Variants in CTNNA1 observed in about 807,000 individuals in gnomAD.
CTNNA1 encodes catenin alpha 1.
Under a neutral mutation model 98.4 loss-of-function variants are expected in CTNNA1, and 37 were observed. The observed-to-expected ratio is 0.38, with a 90% CI of 0.29 to 0.49. The LOEUF (loss-of-function observed/expected upper bound fraction) is 0.49, where lower values mean the gene tolerates loss of function less well. CTNNA1 is among the 20% of genes least tolerant of loss of function. The pLI, the probability that CTNNA1 is intolerant of heterozygous loss-of-function variation, is 0.95. For missense variants in CTNNA1, 761 were observed against 1,147.2 expected, an observed-to-expected ratio of 0.66 and a Z score of 4.86; for synonymous variants, 404 against 413.2, an observed-to-expected ratio of 0.98 and a Z score of 0.27.
chr5:138,792,752 G>C (rs566223276), intron 3 of CTNNA1, among the ~76,000 whole-genome samples: 37 of 152,136 alleles, frequency 2.4e-4, no homozygotes, highest in South Asian at 1.7e-3. Flanking sequence ...TGTTGAGTAT[G>C]GATTTCAAAA....
At chr5:138,926,006 C>T (rs1763943790) in intron 13 of CTNNA1, among the ~76,000 whole-genome samples, 2 of 152,200 alleles carry the variant, frequency 1.3e-5, no homozygotes, top group South Asian at 4.1e-4. Context: ...ACAACTATTC[C>T]TGTCTTCATT....
At chr5:138,795,938 GT>G (rs1295142845) in intron 3 of CTNNA1, among the ~76,000 whole-genome samples, 3 of 152,158 alleles carry the variant, frequency 2.0e-5, no homozygotes, top group Non-Finnish European at 4.4e-5. Flanking sequence ...ATGCTTTCCA[GT>G]TTGTCTTCTG....
intron 7 of CTNNA1, among the ~76,000 whole-genome samples, chr5:138,838,820 C>T (rs755794578): frequency 2.0e-5 from 3 of 152,006 alleles, no homozygotes; most frequent in Admixed American, 6.6e-5. Flanking sequence ...TTTAAGAGAT[C>T]GGGTCTCATC....
chr5:138,812,419 TA>T (rs1250801922), intron 5 of CTNNA1, 117 bp downstream of exon 5: 9 of 1,089,832 alleles, frequency 8.3e-6, no homozygotes, highest in Non-Finnish European at 1.0e-5. Flanking sequence ...ATAGTTCCAT[TA>T]AAACATTTAA....
intron 4 of CTNNA1, among the ~76,000 whole-genome samples, chr5:138,811,201 G>C (rs1758717957): frequency 2.0e-5 from 3 of 149,438 alleles, no homozygotes; most frequent in Non-Finnish European, 1.5e-5. Context: ...CTTCTCAGAC[G>C]GGGCGGCCGG....
intron 3 of CTNNA1, among the ~76,000 whole-genome samples, chr5:138,789,197 C>T (rs1172371490): frequency 6.6e-6 from 1 of 151,646 alleles, no homozygotes; most frequent in African/African-American, 2.4e-5. Flanking sequence ...TTCCCCCCCC[C>T]CAGAGCTTAT....
intron 7 of CTNNA1, among the ~76,000 whole-genome samples, chr5:138,828,609 C>T (rs987518571): frequency 6.6e-6 from 1 of 152,120 alleles, no homozygotes; most frequent in African/African-American, 2.4e-5. Flanking sequence ...AATTAGTTGT[C>T]ATCACTAGCG....
chr5:138,932,568 C>G lies in CTNNA1; in HGVS notation c.2299-10C>G, dbSNP rs777194764. Reference sequence around the variant, plus strand: ...CAGGATACTTGGTGTTAAGCCTGCTCTCTCTTCAGTGCCCCGACTCGGCTT... The same window carrying G: ...CAGGATACTTGGTGTTAAGCCTGCTGTCTCTTCAGTGCCCCGACTCGGCTT... On this transcript the variant is annotated splice_polypyrimidine_tract_variant and intron_variant, in intron 16 of 17. Transcript: ENST00000302763. 3.7e-6 allele frequency: 6 copies of G among 1,613,920 alleles called. No homozygotes were observed. Among genetic ancestry groups the G allele is most frequent in the East Asian group, 4.5e-5 (2 of 44,880 alleles).
chr5:138,815,233 AAGT>A (rs1481615090), intron 5 of CTNNA1, among the ~76,000 whole-genome samples: 6 of 152,026 alleles, frequency 3.9e-5, no homozygotes, highest in Non-Finnish European at 7.4e-5. Flanking sequence ...TTTTTTTTGA[AAGT>A]AGTAGCAAAT....
chr5:138,778,657 G>T (rs1049636897), intron 1 of CTNNA1, among the ~76,000 whole-genome samples: 2 of 152,110 alleles, frequency 1.3e-5, no homozygotes, highest in African/African-American at 4.8e-5. Context: ...CTTGCCTGAG[G>T]CAATTAATAT....
intron 7 of CTNNA1, among the ~76,000 whole-genome samples, chr5:138,838,390 A>C (rs1761986615): frequency 6.6e-6 from 1 of 152,130 alleles, no homozygotes; most frequent in Non-Finnish European, 1.5e-5. Context: ...CTATCCTTCT[A>C]CTGTTTAGCA....
chr5:138,917,319 A>AT, intron 10 of CTNNA1, among the ~76,000 whole-genome samples: 1 of 152,372 alleles, frequency 6.6e-6, no homozygotes, highest in African/African-American at 2.4e-5. Context: ...TGTCCATAAC[A>AT]TAGAATATAT....
At chr5:138,824,459 C>A in intron 5 of CTNNA1, 71 bp from the exon 6 acceptor site, 1 of 1,519,822 alleles carries the variant, frequency 6.6e-7, no homozygotes, top group Non-Finnish European at 8.9e-7. Flanking sequence ...TCAGCATTTA[C>A]CAGCAAATTT....
intron 7 of CTNNA1, among the ~76,000 whole-genome samples, chr5:138,868,478 C>T (rs1444668669): frequency 6.6e-6 from 1 of 152,166 alleles, no homozygotes; most frequent in Middle Eastern, 3.2e-3. Context: ...CTGGGATGGA[C>T]ATCAACCAAC....
chr5:138,927,568 C>G (rs1488311568), intron 13 of CTNNA1, among the ~76,000 whole-genome samples: 1 of 150,288 alleles, frequency 6.7e-6, no homozygotes, highest in Non-Finnish European at 1.5e-5. Flanking sequence ...CTGCTTTCTT[C>G]ATAGCACTGG....
chr5:138,819,985 C>T (rs1386747863), intron 5 of CTNNA1, among the ~76,000 whole-genome samples: 1 of 152,012 alleles, frequency 6.6e-6, no homozygotes, highest in African/African-American at 2.4e-5. Flanking sequence ...TGATTCCTTT[C>T]TCTTTGCTCT....
At chr5:138,782,135 C>T (rs1755180687) in intron 2 of CTNNA1, 106 bp downstream of exon 2, 2 of 1,094,824 alleles carry the variant, frequency 1.8e-6, no homozygotes, top group South Asian at 1.4e-5. Context: ...AATTCCAGTA[C>T]TTGAGTTTAG....
rs1561623966 is a variant in CTNNA1, at chr5:138,874,495, C to G, written c.1063-11717C>G. 1 of 1,609,896 alleles carries G rather than the reference C, an allele frequency of 6.2e-7. No homozygotes were observed. ...CCAGGGCAGGCAGCATTTTTAAAAC[C>G]ATACTCATTGCATATATTGCTGCCA... is the stretch of plus-strand genomic sequence containing the variant. On this transcript the variant is annotated intron_variant, in intron 7 of 17. Coordinates refer to ENST00000302763, the MANE Select transcript of CTNNA1 (RefSeq NM_001903.5). The surrounding 1 kb of genome is among the most constrained non-coding windows in gnomAD (Gnocchi z 4.1).
chr5:138,923,250 A>G (rs1763292058), intron 11 of CTNNA1, among the ~76,000 whole-genome samples: 1 of 152,188 alleles, frequency 6.6e-6, no homozygotes, highest in Non-Finnish European at 1.5e-5. Flanking sequence ...TTGAATTATT[A>G]GAGTTTATAT....
Sources: gnomAD v4.1 joint callset for allele counts (sites outside exome capture counted in the v4.1 genomes callset) on GRCh38, gnomAD v4.1.1 for gene constraint, Gnocchi (gnomAD v3.1) non-coding constraint, MANE v1.5 for transcripts, NCBI Gene and HGNC (gene_info 2026-07-23, HGNC 2026-07-21) for gene names.